CTNNA3: variants seen among roughly 807,000 people sequenced by gnomAD.
CTNNA3 encodes catenin alpha-3.
Under a neutral mutation model 95.7 loss-of-function variants are expected in CTNNA3, and 76 were observed. The ratio of observed to expected loss-of-function variants is 0.79; its 90% CI spans 0.66 to 0.96. The LOEUF (loss-of-function observed/expected upper bound fraction) is 0.96. Ranked by LOEUF, CTNNA3 falls within the 40% of genes least tolerant of loss-of-function variation. The probability of loss-of-function intolerance (pLI) is 0.00; values close to 1 mark genes in which losing one functional copy is unlikely to be tolerated. For synonymous variants in CTNNA3, 431 were observed against 374.4 expected, an observed-to-expected ratio of 1.15 and a Z score of -1.74; for missense variants, 1,191 against 1,089.8, an observed-to-expected ratio of 1.09 and a Z score of -1.31.
At chr10:67,694,527 A>C (rs1840927269) in intron 1 of CTNNA3, among the ~76,000 whole-genome samples, 1 of 152,168 alleles carries the variant, frequency 6.6e-6, no homozygotes, top group African/African-American at 2.4e-5. Flanking sequence ...CAACATACAT[A>C]TACACATAAG....
intron 7 of CTNNA3, among the ~76,000 whole-genome samples, chr10:66,853,706 C>T (rs1287756462): frequency 6.6e-6 from 1 of 152,002 alleles, no homozygotes; most frequent in Admixed American, 6.6e-5. Flanking sequence ...ACTTTCTAAA[C>T]AAATGTTAAG....
chr10:67,339,838 T>C (rs572633126), intron 5 of CTNNA3, among the ~76,000 whole-genome samples: 1 of 152,322 alleles, frequency 6.6e-6, no homozygotes, highest in East Asian at 1.9e-4. Flanking sequence ...TTGTTTTGAT[T>C]GATTTAGAAA....
intron 13 of CTNNA3, among the ~76,000 whole-genome samples, chr10:66,273,728 T>C (rs1196458716): frequency 1.3e-5 from 2 of 152,214 alleles, no homozygotes; most frequent in South Asian, 4.1e-4. Flanking sequence ...AACAACTTTA[T>C]TTGAAAAGCA....
chr10:67,197,660 T>C (rs1173909449), intron 6 of CTNNA3, among the ~76,000 whole-genome samples: 1 of 152,108 alleles, frequency 6.6e-6, no homozygotes, highest in African/African-American at 2.4e-5. Flanking sequence ...TTAAGGATTG[T>C]GGGTATTCTG....
chr10:67,076,192 T>G (rs2131863623), intron 7 of CTNNA3, among the ~76,000 whole-genome samples: 1 of 152,346 alleles, frequency 6.6e-6, no homozygotes, highest in African/African-American at 2.4e-5. Context: ...GAGCTACAAT[T>G]TTTCCAGCAC....
At chr10:66,124,319 A>G (rs1776451305) in intron 13 of CTNNA3, among the ~76,000 whole-genome samples, 1 of 152,192 alleles carries the variant, frequency 6.6e-6, no homozygotes, top group Non-Finnish European at 1.5e-5. Context: ...CCTTTGCTCC[A>G]GTTCCCAACA....
At chr10:67,019,508 G>A (rs1852863721) in intron 7 of CTNNA3, among the ~76,000 whole-genome samples, 1 of 152,142 alleles carries the variant, frequency 6.6e-6, no homozygotes. Context: ...ATGAGCCACC[G>A]TACCTGGTTT....
At chr10:67,686,982 A>T (rs1378596937) in intron 1 of CTNNA3, among the ~76,000 whole-genome samples, 1 of 152,132 alleles carries the variant, frequency 6.6e-6, no homozygotes, top group African/African-American at 2.4e-5. Flanking sequence ...CCTCCCTAAT[A>T]AGGGTGTGGG....
intron 1 of CTNNA3, among the ~76,000 whole-genome samples, chr10:67,746,628 G>A (rs1208921053): frequency 3.3e-5 from 5 of 152,104 alleles, no homozygotes; most frequent in Non-Finnish European, 7.4e-5. Flanking sequence ...CAAGGGAGAC[G>A]GTGAGCAGTC....
chr10:67,151,207 A>G (rs1226894876), intron 7 of CTNNA3, among the ~76,000 whole-genome samples: 6 of 152,220 alleles, frequency 3.9e-5, no homozygotes, highest in African/African-American at 1.4e-4. Context: ...AAATAATTCA[A>G]TTAGGAATAC....
intron 7 of CTNNA3, among the ~76,000 whole-genome samples, chr10:67,043,133 TTC>T (rs59541690): frequency 0.39 from 43,367 of 112,114 alleles, 6,725 homozygotes; most frequent in Admixed American, 0.51. Flanking sequence ...CTCACTTTCT[TTC>T]TTTTTTTTTT....
At position 67,576,801 on chromosome 10, in the gene CTNNA3, G is replaced by A. The variant is rs867309589; in HGVS notation, c.292+30056C>T. Among the ~76,000 whole-genome samples, 3 of 107,566 alleles carry A rather than the reference G, an allele frequency of 2.8e-5. 1 individual carries two copies. The highest frequency in any genetic ancestry group is 1.7e-4 in the African/African-American group (3 of 17,160). 70.6% of individuals were successfully genotyped at this position (107,566 alleles called of 152,430 possible). A position where few individuals can be genotyped will look rare whatever the true frequency, so the allele number is the denominator to read the frequency against. ...TTCCCACCTATGAGTGAGAACATGCGGTGTTTGGTTTTTTGTCCTTGCAAT... is the reference window on the plus strand; with the variant it reads ...TTCCCACCTATGAGTGAGAACATGCAGTGTTTGGTTTTTTGTCCTTGCAAT... On this transcript the variant is annotated intron_variant, in intron 3 of 17. Transcript: ENST00000433211.
intron 12 of CTNNA3, among the ~76,000 whole-genome samples, chr10:66,360,599 CTT>C (rs1491151918): frequency 3.6e-4 from 17 of 47,558 alleles, no homozygotes; most frequent in Admixed American, 1.1e-3. Flanking sequence ...TTCTTTCCTT[CTT>C]TCTTTCTTTC....
At chr10:66,617,249 G>T (rs1475004420) in intron 10 of CTNNA3, among the ~76,000 whole-genome samples, 4 of 151,872 alleles carry the variant, frequency 2.6e-5, no homozygotes, top group Non-Finnish European at 5.9e-5. Context: ...AGTGATTTAG[G>T]GAGAAGGGAG....
chr10:66,481,510 C>T (rs1417822966), intron 11 of CTNNA3, among the ~76,000 whole-genome samples: 5 of 113,588 alleles, frequency 4.4e-5, no homozygotes, highest in African/African-American at 1.8e-4. Flanking sequence ...CTCGCTCTGT[C>T]GCCCAGGCTG....
chr10:66,864,921 G>A (rs1048110380), intron 7 of CTNNA3, among the ~76,000 whole-genome samples: 24 of 151,798 alleles, frequency 1.6e-4, no homozygotes, highest in Non-Finnish European at 8.8e-5. Context: ...ATTAAAATAC[G>A]GAATTGTATA....
At chr10:67,339,349 G>A (rs1041773924) in intron 5 of CTNNA3, among the ~76,000 whole-genome samples, 1 of 151,998 alleles carries the variant, frequency 6.6e-6, no homozygotes, top group African/African-American at 2.4e-5. Flanking sequence ...AATATCACAT[G>A]GTGGTTCAAT....
chr10:66,212,398 A>G lies in CTNNA3; in HGVS notation c.1884+68072T>C, dbSNP rs571540432. 4.6e-5 allele frequency among the ~76,000 whole-genome samples: 7 copies of G among 152,302 alleles called. No homozygotes were observed. In the East Asian group the frequency reaches 1.4e-3, roughly 29 times the overall value. Reference sequence around the variant, plus strand: ...TCTCCATTTCTTAGCCAGAACCTAAATATTCAGGTTACTTTGCTGTTGTTA... The same window carrying G: ...TCTCCATTTCTTAGCCAGAACCTAAGTATTCAGGTTACTTTGCTGTTGTTA... On this transcript the variant is annotated intron_variant, in intron 13 of 17. Coordinates refer to ENST00000433211, the MANE Select transcript of CTNNA3 (RefSeq NM_013266.4).
chr10:67,052,019 T>A (rs925485131), intron 7 of CTNNA3, among the ~76,000 whole-genome samples: 1 of 152,106 alleles, frequency 6.6e-6, no homozygotes, highest in Non-Finnish European at 1.5e-5. Flanking sequence ...CCTCCCAAAG[T>A]GCTGGGATTA....
Sources: gnomAD v4.1 joint callset for allele counts (sites outside exome capture counted in the v4.1 genomes callset) on GRCh38, gnomAD v4.1.1 for gene constraint, MANE v1.5 for transcripts, NCBI Gene and HGNC (gene_info 2026-07-23, HGNC 2026-07-21) for gene names.